COL4A4: variants seen among roughly 807,000 people sequenced by gnomAD.
COL4A4 encodes the protein collagen alpha-4(IV) chain.
A neutral mutation model predicts 192.9 loss-of-function variants in COL4A4; 105 were observed. The ratio of observed to expected loss-of-function variants is 0.54; its 90% CI spans 0.46 to 0.64. The LOEUF (loss-of-function observed/expected upper bound fraction) is 0.64. Ranked by LOEUF, COL4A4 falls within the 30% of genes least tolerant of loss-of-function variation. The pLI is 0.00. For missense variants in COL4A4, 1,967 were observed against 2,169.3 expected (o/e 0.91, Z 1.85); for synonymous variants, 762 against 769.9 (o/e 0.99, Z 0.17).
the COL4A4 span, among the ~76,000 whole-genome samples, chr2:226,979,803 C>A: frequency 5.9e-5 from 9 of 152,336 alleles, no homozygotes; most frequent in South Asian, 1.9e-3. Flanking sequence ...TCTAGTCATC[C>A]CTCAAGCCAG....
At chr2:226,976,399 C>T in the COL4A4 span, among the ~76,000 whole-genome samples, 1 of 151,574 alleles carries the variant, frequency 6.6e-6, no homozygotes, top group Non-Finnish European at 1.5e-5. Context: ...GCAGCAACAT[C>T]AAAGGAGCAG....
At chr2:227,059,658 C>T in intron 27 of COL4A4, 35 bp from the exon 28 acceptor site, 2 of 1,494,652 alleles carry the variant, frequency 1.3e-6, no homozygotes, top group Non-Finnish European at 1.9e-6. Context: ...TTAATGATAA[C>T]ATGTGCAAGT....
chr2:227,016,179 T>A (rs771895130), intron 44 of COL4A4, among the ~76,000 whole-genome samples: 3 of 152,070 alleles, frequency 2.0e-5, no homozygotes, highest in Non-Finnish European at 2.9e-5. Context: ...CAAGAGATGC[T>A]GCTTAACATC....
At position 227,088,620 on chromosome 2, in the gene COL4A4, T is replaced by C. The variant is rs139905405; in HGVS notation, c.1623+33A>G. ...AAACAGACTAATACCATGTCTCTTT[T>C]AACTGGAAAGATGACTGGTAAGAGG... On this transcript the variant is annotated intron_variant, in intron 22 of 47. Coordinates refer to ENST00000396625, the MANE Select transcript of COL4A4 (RefSeq NM_000092.5). 2.6e-3 allele frequency: 4,206 copies of C among 1,612,954 alleles called. 88 individuals carry two copies. In the African/African-American group the frequency reaches 0.047, roughly 18 times the overall value.
intron 1 of COL4A4, among the ~76,000 whole-genome samples, chr2:227,148,137 C>A (rs753681809): frequency 1.5e-4 from 23 of 152,146 alleles, no homozygotes; most frequent in Non-Finnish European, 2.8e-4. Context: ...TATGATCTAG[C>A]AATTCTACTC....
intron 12 of COL4A4, among the ~76,000 whole-genome samples, chr2:227,107,735 T>C (rs527395543): frequency 2.7e-4 from 41 of 150,926 alleles, no homozygotes; most frequent in Middle Eastern, 3.5e-3. Flanking sequence ...TCCAGGTGAG[T>C]TGCCTTCTTA....
intron 37 of COL4A4, among the ~76,000 whole-genome samples, chr2:227,035,529 C>CA (rs112442514): frequency 0.076 from 9,511 of 125,626 alleles, 901 homozygotes; most frequent in African/African-American, 0.24. Context: ...TCTCGTGCAC[C>CA]AAAAAAAAAA....
In COL4A4 at chr2:227,008,270, C is replaced by T. The variant is rs746374430; in HGVS notation, c.4557G>A (p.Thr1519=). The T allele has an allele frequency of 8.1e-6, 13 of 1,614,076 alleles. No individual in the cohort carries two copies. Among genetic ancestry groups the T allele is most frequent in the East Asian group, 2.2e-5 (1 of 44,898 alleles). ...LAGSCLPVFS[T]LPFAYCNIHQ... The stretch of plus-strand genomic sequence containing the variant: ...GGATGTTGCAGTAGGCAAAGGGCAG[C>T]GTGCTAAATACGGGAAGGCAAGACC... Residue 1519 remains threonine (T), a synonymous_variant, in exon 47 of 48, where the codon ACG becomes ACA. Coordinates refer to ENST00000396625, the MANE Select transcript of COL4A4 (RefSeq NM_000092.5).
chr2:227,103,050 C>G (rs1240527248), intron 14 of COL4A4, 94 bp downstream of exon 14: 2 of 1,208,292 alleles, frequency 1.7e-6, no homozygotes, highest in Admixed American at 3.9e-5. Context: ...TATATTAGCA[C>G]TTAAAGCAAT....
the COL4A4 span, among the ~76,000 whole-genome samples, chr2:226,979,095 C>T: frequency 6.6e-6 from 1 of 152,156 alleles, no homozygotes. Context: ...TCGTGTGGCT[C>T]ATTCCCAGTC....
chr2:227,046,392 A>G (rs1210008134), intron 35 of COL4A4, among the ~76,000 whole-genome samples: 4 of 151,954 alleles, frequency 2.6e-5, no homozygotes, highest in African/African-American at 9.7e-5. Flanking sequence ...ATCTAAACAC[A>G]AACCTGGTTT....
At chr2:227,090,861 C>T (rs1382172488) in intron 20 of COL4A4, among the ~76,000 whole-genome samples, 1 of 147,302 alleles carries the variant, frequency 6.8e-6, no homozygotes, top group Non-Finnish European at 1.5e-5. Flanking sequence ...AGTAAAAGAA[C>T]TTGGCAGATC....
At chr2:227,132,999 A>G (rs1469250684) in intron 4 of COL4A4, among the ~76,000 whole-genome samples, 1 of 152,166 alleles carries the variant, frequency 6.6e-6, no homozygotes, top group Non-Finnish European at 1.5e-5. Flanking sequence ...ATTTTCCTAT[A>G]TAGTAGATTA....
intron 4 of COL4A4, among the ~76,000 whole-genome samples, chr2:227,135,236 C>A (rs1559711568): frequency 7.6e-6 from 1 of 132,310 alleles, no homozygotes; most frequent in East Asian, 2.1e-4. Flanking sequence ...GCCGAGGGGA[C>A]CAACCAGCCC....
chr2:226,969,821 A>T, the COL4A4 span, among the ~76,000 whole-genome samples: 1 of 152,122 alleles, frequency 6.6e-6, no homozygotes, highest in Admixed American at 6.5e-5. Context: ...CATTCTTCAT[A>T]ATGCTAAATT....
At chr2:227,117,697 G>A (rs928442557) in intron 7 of COL4A4, among the ~76,000 whole-genome samples, 1 of 151,540 alleles carries the variant, frequency 6.6e-6, no homozygotes, top group African/African-American at 2.4e-5. Flanking sequence ...AATAATCTCT[G>A]ATCTTTATTT....
chr2:227,078,074 C>G lies in COL4A4; in HGVS notation c.1807G>C (p.Asp603His). The G allele has an allele frequency of 6.2e-7, 1 of 1,613,904 alleles. No individual in the cohort carries two copies. The highest frequency in any genetic ancestry group is 8.5e-7 in the Non-Finnish European group (1 of 1,179,950). The change falls in exon 25 of 48, where the codon GAT becomes CAT. Residue 603 changes from aspartate to histidine, a missense_variant. Asp to His is a moderately conservative substitution (Grantham distance 81). Transcript: ENST00000396625. ...CCACCTGGGGTCGCATCTTCATGAT[C>G]CCCCTGGGAATGTTATGTCATGAGT... ...GEKGDPGPPG[D>H]HEDATPGGKG...
chr2:227,118,796 G>T lies in COL4A4; in HGVS notation c.373-35C>A, dbSNP rs558198094. 6.4e-6 allele frequency: 9 copies of T among 1,412,494 alleles called. No homozygotes were observed. The African/African-American group carries it at 1.3e-4, about 20-fold the overall frequency. The allele number at this position is 1,412,494 out of a possible 1,614,324, so 87.5% of individuals were successfully genotyped here. ...ACAAAATTATAAGTGAAGCATTTTT[G>T]CGAAAATATCATTACATAAAGGTTA... On this transcript the variant is annotated intron_variant, in intron 6 of 47. Coordinates refer to ENST00000396625, the MANE Select transcript of COL4A4 (RefSeq NM_000092.5).
intron 28 of COL4A4, among the ~76,000 whole-genome samples, chr2:227,057,900 C>A (rs1559516681): frequency 2.0e-5 from 3 of 152,204 alleles, no homozygotes; most frequent in Admixed American, 1.3e-4. Context: ...TTGCATCAGG[C>A]TTTACATCAA....
Sources: allele counts gnomAD v4.1 joint callset (sites outside exome capture counted in the v4.1 genomes callset), GRCh38; gene constraint gnomAD v4.1.1; transcripts MANE v1.5; gene names NCBI Gene and HGNC (gene_info 2026-07-23, HGNC 2026-07-21).